ZNF680: variants seen among roughly 807,000 people sequenced by gnomAD.
The protein encoded by ZNF680 is zinc finger protein 680, also known as hypothetical protein FLJ90430.
Under a neutral mutation model 12.1 loss-of-function variants are expected in ZNF680, and 6 were observed. The ratio of observed to expected loss-of-function variants is 0.49; its 90% confidence interval spans 0.27 to 0.98. The LOEUF is 0.98. Among genes scored for constraint, ZNF680 ranks in the 50% least tolerant of loss-of-function variants. ZNF680 has a pLI of 0.12. For synonymous variants in ZNF680, 170 were observed against 199.3 expected (o/e 0.85, Z 1.24); for missense variants, 561 against 616.3 (o/e 0.91, Z 0.95).
rs189692996 is a variant in ZNF680 at position 64,559,688 on chromosome 7, T to G, written c.30+3237A>C. Among the ~76,000 whole-genome samples the G allele has an allele frequency of 1.1e-3, 166 of 152,112 alleles. No individual in the cohort carries two copies. The East Asian group carries it at 0.023, about 21-fold the overall frequency. ...GTAGAGACGGGGTTTCACCATGTTG[T>G]CCAGGCTGGTCTCAAACTCCTCACC... On this transcript the variant is annotated intron_variant, in intron 1 of 3. Transcript: ENST00000309683.
At chr7:64,501,758 C>A in the ZNF680 span, 1 of 847,586 alleles carries the variant, frequency 1.2e-6, no homozygotes, top group African/African-American at 1.7e-5. Context: ...AAATCTTATC[C>A]CAATATTTGT....
chr7:64,538,161 TAAC>T (rs940397930), intron 3 of ZNF680, among the ~76,000 whole-genome samples: 3 of 141,444 alleles, frequency 2.1e-5, no homozygotes, highest in Non-Finnish European at 1.6e-5. Flanking sequence ...ATTTAAAAAA[TAAC>T]AATCTCTTAG....
chr7:64,528,982 A>G (rs1785714917), intron 3 of ZNF680, among the ~76,000 whole-genome samples: 1 of 152,124 alleles, frequency 6.6e-6, no homozygotes, highest in South Asian at 2.1e-4. Flanking sequence ...AAACCCATAA[A>G]CAGTTCACAA....
At chr7:64,540,303 CTTTTTTTTT>C (rs61265238) in intron 3 of ZNF680, among the ~76,000 whole-genome samples, 7 of 129,138 alleles carry the variant, frequency 5.4e-5, no homozygotes, top group African/African-American at 6.2e-5. Context: ...CTGATTTATC[CTTTTTTTTT>C]TTTTTTTTTT....
chr7:64,510,831 A>C, the ZNF680 span, among the ~76,000 whole-genome samples: 1 of 118,764 alleles, frequency 8.4e-6, no homozygotes, highest in Non-Finnish European at 1.8e-5. Context: ...AATGGCGTGA[A>C]CCCGGGAGGC....
the ZNF680 span, among the ~76,000 whole-genome samples, chr7:64,514,643 CATAAT>C: frequency 6.6e-6 from 1 of 152,014 alleles, no homozygotes; most frequent in African/African-American, 2.4e-5. Context: ...TAATAAAACT[CATAAT>C]AAAAACTTAT....
At chr7:64,543,619 C>G in intron 3 of ZNF680, 88 bp downstream of exon 3, 3 of 1,181,052 alleles carry the variant, frequency 2.5e-6, no homozygotes, top group Non-Finnish European at 3.6e-6. Flanking sequence ...CATAGCTTCC[C>G]AAATCCCATG....
intron 1 of ZNF680, chr7:64,551,767 CT>C (rs766826661): frequency 1.3e-5 from 2 of 153,648 alleles, no homozygotes; most frequent in Non-Finnish European, 2.9e-5. Flanking sequence ...AAAAACAGCT[CT>C]CAGTCTCAGA....
chr7:64,523,125 C>T (rs778920421), intron 3 of ZNF680, among the ~76,000 whole-genome samples: 22 of 151,948 alleles, frequency 1.4e-4, no homozygotes, highest in Non-Finnish European at 2.6e-4. Context: ...AATTCCTTAA[C>T]ATTATTATAA....
downstream of ZNF680, among the ~76,000 whole-genome samples, chr7:64,516,836 T>C (rs1465201050): frequency 6.6e-6 from 1 of 152,044 alleles, no homozygotes; most frequent in Non-Finnish European, 1.5e-5. Context: ...TTCAAATACA[T>C]GGAAATTAAA....
At chr7:64,511,747 T>C in the ZNF680 span, among the ~76,000 whole-genome samples, 1 of 151,400 alleles carries the variant, frequency 6.6e-6, no homozygotes, top group African/African-American at 2.4e-5. Context: ...TTTTAATTAA[T>C]AAAAAAAAAA....
At chr7:64,548,612 C>A (rs1352375130) in intron 1 of ZNF680, among the ~76,000 whole-genome samples, 1 of 152,158 alleles carries the variant, frequency 6.6e-6, no homozygotes, top group African/African-American at 2.4e-5. Context: ...ACCAAGACAT[C>A]TCTTGTATGA....
At chr7:64,557,060 C>G (rs1787454942) in intron 1 of ZNF680, among the ~76,000 whole-genome samples, 1 of 152,088 alleles carries the variant, frequency 6.6e-6, no homozygotes, top group African/African-American at 2.4e-5. Context: ...ACCATCCTGG[C>G]AAACATGGTA....
At chr7:64,557,132 T>G (rs968106243) in intron 1 of ZNF680, among the ~76,000 whole-genome samples, 7 of 151,716 alleles carry the variant, frequency 4.6e-5, no homozygotes, top group African/African-American at 1.7e-4. Context: ...TCACCTGTAG[T>G]CCCAGCTACT....
chr7:64,542,327 A>G (rs1417234516), intron 3 of ZNF680, among the ~76,000 whole-genome samples: 5 of 152,166 alleles, frequency 3.3e-5, no homozygotes, highest in Non-Finnish European at 7.3e-5. Flanking sequence ...TATTGTACCC[A>G]CTGTAAATAC....
intron 1 of ZNF680, among the ~76,000 whole-genome samples, chr7:64,552,439 G>A (rs1787131089): frequency 6.6e-6 from 1 of 152,194 alleles, no homozygotes; most frequent in Non-Finnish European, 1.5e-5. Context: ...GCTAAGAGGA[G>A]AGCTATTATA....
At chr7:64,500,325 C>CA in the ZNF680 span, among the ~76,000 whole-genome samples, 25 of 151,688 alleles carry the variant, frequency 1.6e-4, no homozygotes, top group African/African-American at 5.8e-4. Flanking sequence ...GATATAAAAA[C>CA]AAATGAGAGA....
At chr7:64,537,623 A>G (rs759459657) in intron 3 of ZNF680, among the ~76,000 whole-genome samples, 22 of 152,148 alleles carry the variant, frequency 1.4e-4, no homozygotes, top group Non-Finnish European at 3.1e-4. Context: ...ATGACATATA[A>G]AGAGATAAAA....
At chr7:64,525,434 T>TG (rs1407402939) in intron 3 of ZNF680, 1 of 152,100 alleles carries the variant, frequency 6.6e-6, no homozygotes, top group Non-Finnish European at 1.5e-5. Flanking sequence ...GATGATATTG[T>TG]GCAAAATAAA....
Sources: gnomAD v4.1 joint callset for allele counts (sites outside exome capture counted in the v4.1 genomes callset) on GRCh38, gnomAD v4.1.1 for gene constraint, MANE v1.5 for transcripts, NCBI Gene and HGNC (gene_info 2026-07-23, HGNC 2026-07-21) for gene names.